Variants in SGIP1 observed in about 807,000 individuals in gnomAD.
SGIP1 encodes the protein SH3GL interacting endocytic adaptor 1, also known as SH3-containing GRB2-like protein 3-interacting protein 1.
Under a neutral mutation model 107.5 loss-of-function variants are expected in SGIP1, and 38 were observed. That is an observed-to-expected ratio of 0.35 (90% CI 0.27 to 0.46). The LOEUF is 0.46. Ranked by LOEUF, SGIP1 falls within the 20% of genes least tolerant of loss-of-function variation. The pLI is 1.00. For missense variants in SGIP1, 929 were observed against 1,019.5 expected, an observed-to-expected ratio of 0.91 and a Z score of 1.21; for synonymous variants, 365 against 366.1, an observed-to-expected ratio of 1.00 and a Z score of 0.03.
intron 1 of SGIP1, among the ~76,000 whole-genome samples, chr1:66,540,330 A>G (rs1337279813): frequency 2.0e-5 from 3 of 152,214 alleles, no homozygotes; most frequent in Non-Finnish European, 4.4e-5. Context: ...AAAGAGGCAC[A>G]TTGTAGCACC....
intron 2 of SGIP1, among the ~76,000 whole-genome samples, chr1:66,627,968 A>G (rs1394999590): frequency 6.8e-6 from 1 of 145,998 alleles, no homozygotes; most frequent in African/African-American, 2.6e-5. Flanking sequence ...TCATTGTTCA[A>G]TTCCCACCTA....
Position 66,630,904 on chromosome 1 carries a change from A to AAAGAAAGAAAGAAGGAAAGAAGGG in SGIP1, c.75-2165_75-2164insAGAAAGAAAGAAGGAAAGAAGGGA. 7.5e-4 allele frequency among the ~76,000 whole-genome samples: 7 copies of AAAGAAAGAAAGAAGGAAAGAAGGG among 9,290 alleles called. 2 individuals carry two copies. The highest frequency in any genetic ancestry group is 6.8e-4 in the Non-Finnish European group (4 of 5,916). 6.1% of individuals were successfully genotyped at this position (9,290 alleles called of 152,430 possible). On this transcript the variant is annotated intron_variant, in intron 2 of 24. Coordinates refer to ENST00000371037, the MANE Select transcript of SGIP1 (RefSeq NM_032291.4). ...GAAAGAAAGAAAGAAAGAAAGAAAG[A>AAAGAAAGAAAGAAGGAAAGAAGGG]AGGGAGGGAGGGAGGGAGGAAGGAA... is the stretch of plus-strand genomic sequence containing the variant.
At chr1:66,727,075 A>G (rs1333276286) in intron 19 of SGIP1, among the ~76,000 whole-genome samples, 1 of 152,262 alleles carries the variant, frequency 6.6e-6, no homozygotes, top group Non-Finnish European at 1.5e-5. Flanking sequence ...ATAACCCATA[A>G]AAGAATAAAT....
At chr1:66,706,436 AGAGATACACATTTATATAT>A (rs2092519587) in intron 18 of SGIP1, among the ~76,000 whole-genome samples, 1 of 124,170 alleles carries the variant, frequency 8.1e-6, no homozygotes, top group Non-Finnish European at 1.7e-5. Flanking sequence ...TAATTTATAT[AGAGATACACATTTATATAT>A]AATATAAATT....
At position 66,697,855 on chromosome 1, in the gene SGIP1, C is replaced by T. The variant is rs530844583; in HGVS notation, c.1630+2362C>T. Reference sequence around the variant, plus strand: ...TGCAAAAACATTTTCCTTCAACATGCTTTATTAAATAGGATTTCTAACATA... The same window carrying T: ...TGCAAAAACATTTTCCTTCAACATGTTTTATTAAATAGGATTTCTAACATA... On this transcript the variant is annotated intron_variant, in intron 18 of 24. Transcript: ENST00000371037. Among the ~76,000 whole-genome samples, 7 of 152,190 alleles carry T rather than the reference C, an allele frequency of 4.6e-5. No individual in the cohort carries two copies. In the East Asian group the frequency reaches 1.4e-3, roughly 29 times the overall value.
At chr1:66,574,438 C>T (rs2060782869) in intron 1 of SGIP1, among the ~76,000 whole-genome samples, 1 of 152,112 alleles carries the variant, frequency 6.6e-6, no homozygotes, top group Admixed American at 6.6e-5. Context: ...CAACTCTTTG[C>T]CATGTTTTAT....
chr1:66,648,130 C>A (rs2077991209), intron 7 of SGIP1, among the ~76,000 whole-genome samples: 1 of 152,136 alleles, frequency 6.6e-6, no homozygotes, highest in Non-Finnish European at 1.5e-5. Context: ...AGATGAATAA[C>A]CTTGATACTG....
intron 5 of SGIP1, 55 bp downstream of exon 5, chr1:66,639,888 G>C (rs528114072): frequency 2.1e-6 from 3 of 1,423,876 alleles, no homozygotes; most frequent in Non-Finnish European, 2.0e-6. Context: ...TTAAAAATGA[G>C]TTGAGGCATT....
intron 1 of SGIP1, among the ~76,000 whole-genome samples, chr1:66,596,218 T>C (rs2064648019): frequency 6.6e-6 from 1 of 151,948 alleles, no homozygotes; most frequent in Admixed American, 6.5e-5. Context: ...TGAGCTCTTG[T>C]ACCACGCCCA....
chr1:66,617,206 C>T (rs537178786), intron 1 of SGIP1, among the ~76,000 whole-genome samples: 1 of 152,268 alleles, frequency 6.6e-6, no homozygotes, highest in African/African-American at 2.4e-5. Flanking sequence ...TGCCTTGCAC[C>T]AGGTACTGCT....
chr1:66,649,576 C>G (rs1014917413), intron 7 of SGIP1, among the ~76,000 whole-genome samples: 1 of 152,166 alleles, frequency 6.6e-6, no homozygotes, highest in African/African-American at 2.4e-5. Flanking sequence ...GTTTGCTTGC[C>G]TTTACACCAC....
At chr1:66,676,872 T>A in intron 12 of SGIP1, 132 bp from the exon 13 acceptor site, 1 of 671,528 alleles carries the variant, frequency 1.5e-6, no homozygotes, top group Non-Finnish European at 2.5e-6. Flanking sequence ...AGCACATTCC[T>A]AAGTTAATTT....
Position 66,633,110 on chromosome 1 carries a change from A to G in SGIP1, c.99+16A>G. 1.3e-6 allele frequency: 2 copies of G among 1,513,236 alleles called. No individual in the cohort carries two copies. Among genetic ancestry groups the G allele is most frequent in the Non-Finnish European group, 1.8e-6 (2 of 1,090,380 alleles). The allele number at this position is 1,513,236 out of a possible 1,614,324, so 93.7% of individuals were successfully genotyped here. Reference sequence around the variant, plus strand: ...AGATGGAATTGTAAGTATTTAAATAACCATTTTTACTGAGTTTGTGCTTCA... The same window carrying G: ...AGATGGAATTGTAAGTATTTAAATAGCCATTTTTACTGAGTTTGTGCTTCA... On this transcript the variant is annotated intron_variant, in intron 3 of 24. Coordinates refer to ENST00000371037, the MANE Select transcript of SGIP1 (RefSeq NM_032291.4).
intron 7 of SGIP1, among the ~76,000 whole-genome samples, chr1:66,657,632 G>A (rs1226729308): frequency 6.6e-6 from 1 of 152,078 alleles, no homozygotes; most frequent in Non-Finnish European, 1.5e-5. Flanking sequence ...GGGTCTATGA[G>A]TTCCTTGAAA....
At chr1:66,704,145 G>C (rs916301671) in intron 18 of SGIP1, 2 of 151,942 alleles carry the variant, frequency 1.3e-5, no homozygotes, top group Non-Finnish European at 2.9e-5. Context: ...TTGTAACATG[G>C]CTGTGTTTTA....
chr1:66,742,081 A>G (rs80251221), intron 24 of SGIP1, among the ~76,000 whole-genome samples: 3,814 of 152,196 alleles, frequency 0.025, 68 homozygotes, highest in Non-Finnish European at 0.036. Flanking sequence ...CTTTTAATTT[A>G]TCTCCCACCA....
chr1:66,664,841 T>C (rs1280673567), intron 8 of SGIP1, among the ~76,000 whole-genome samples: 1 of 152,192 alleles, frequency 6.6e-6, no homozygotes, highest in African/African-American at 2.4e-5. Context: ...CACTCGTGTT[T>C]ATATCGGAAA....
intron 1 of SGIP1, among the ~76,000 whole-genome samples, chr1:66,612,926 T>A (rs1480073927): frequency 1.3e-5 from 2 of 152,214 alleles, no homozygotes; most frequent in South Asian, 4.1e-4. Context: ...CTTATTACTG[T>A]CAAAACTAGA....
At chr1:66,543,688 C>A in intron 1 of SGIP1, among the ~76,000 whole-genome samples, 1 of 152,120 alleles carries the variant, frequency 6.6e-6, no homozygotes, top group South Asian at 2.1e-4. Context: ...TGAGTCAGTA[C>A]AGTGTGGGGG....
Sources: gnomAD v4.1 joint callset for allele counts (sites outside exome capture counted in the v4.1 genomes callset) on GRCh38, gnomAD v4.1.1 for gene constraint, MANE v1.5 for transcripts, NCBI Gene and HGNC (gene_info 2026-07-23, HGNC 2026-07-21) for gene names.